POLQ: variants seen among roughly 807,000 people sequenced by gnomAD.
The protein encoded by POLQ is DNA polymerase theta, also known as epididymis secretory sperm binding protein.
A neutral mutation model predicts 259.2 loss-of-function variants in POLQ; 233 were observed. The ratio of observed to expected loss-of-function variants is 0.90; its 90% CI spans 0.81 to 1.00. The LOEUF is 1.00. POLQ is among the 50% of genes least tolerant of loss of function. The pLI is 0.00. For synonymous variants in POLQ, 1,025 were observed against 1,048.8 expected, an observed-to-expected ratio of 0.98 and a Z score of 0.44; for missense variants, 2,871 against 3,051.6, an observed-to-expected ratio of 0.94 and a Z score of 1.39.
chr3:121,468,674 C>T (rs529150837), intron 22 of POLQ, among the ~76,000 whole-genome samples: 8 of 152,110 alleles, frequency 5.3e-5, no homozygotes, highest in Admixed American at 1.3e-4. Flanking sequence ...AGAAAACCAT[C>T]GCACAATGAG....
intron 7 of POLQ, among the ~76,000 whole-genome samples, chr3:121,525,340 CAA>C (rs780235288): frequency 4.5e-5 from 4 of 88,972 alleles, no homozygotes; most frequent in African/African-American, 7.1e-5. Context: ...GACTCCGTCT[CAA>C]AAAAAAAAAA....
At chr3:121,453,734 A>G (rs983754368) in intron 25 of POLQ, among the ~76,000 whole-genome samples, 1 of 152,224 alleles carries the variant, frequency 6.6e-6, no homozygotes, top group African/African-American at 2.4e-5. Context: ...GATTATGTGA[A>G]AAGACCAAAT....
intron 8 of POLQ, among the ~76,000 whole-genome samples, chr3:121,521,380 C>CAT (rs946382674): frequency 4.0e-5 from 6 of 151,896 alleles, no homozygotes; most frequent in Non-Finnish European, 8.8e-5. Flanking sequence ...TACTATATAC[C>CAT]ATATATATAC....
intron 3 of POLQ, 109 bp downstream of exon 3, chr3:121,541,240 T>C (rs1305626282): frequency 1.0e-6 from 1 of 990,528 alleles, no homozygotes; most frequent in Non-Finnish European, 1.5e-6. Flanking sequence ...TAGGGCACAA[T>C]GAAGAAACTT....
chr3:121,459,967 C>G, intron 25 of POLQ, 83 bp downstream of exon 25: 3 of 1,024,696 alleles, frequency 2.9e-6, no homozygotes, highest in Non-Finnish European at 3.0e-6. Flanking sequence ...TGTTTCTCAG[C>G]TGCAAATAAT....
rs1019257221 is a variant in POLQ at position 121,490,163 on chromosome 3, A to T, written c.2768T>A (p.Phe923Tyr). 3 of 1,611,608 alleles carry T rather than the reference A, an allele frequency of 1.9e-6. No homozygotes were observed. The highest frequency in any genetic ancestry group is 1.7e-6 in the Non-Finnish European group (2 of 1,178,406). ...HSESEVKEHTFISQTKSSYKK... is the reference protein window; with the variant it reads ...HSESEVKEHTYISQTKSSYKK... Reference sequence around the variant, plus strand: ...ATAAGAACTCTTAGTTTGGGATATAAATGTGTGTTCCTTTACTTCGGACTC... The same window carrying T: ...ATAAGAACTCTTAGTTTGGGATATATATGTGTGTTCCTTTACTTCGGACTC... The change falls in exon 16 of 30, where the codon TTT (phenylalanine) becomes TAT (tyrosine). Residue 923 changes from phenylalanine (F) to tyrosine (Y), a missense_variant. By Grantham distance (22) the Phe-to-Tyr change is conservative. Transcript: ENST00000264233.
chr3:121,500,752 C>T (rs2048160916), intron 12 of POLQ, among the ~76,000 whole-genome samples: 1 of 152,002 alleles, frequency 6.6e-6, no homozygotes, highest in African/African-American at 2.4e-5. Context: ...CATACAAAGG[C>T]ATCCATACAA....
At chr3:121,486,807 G>A (rs2048015266) in intron 16 of POLQ, among the ~76,000 whole-genome samples, 1 of 151,542 alleles carries the variant, frequency 6.6e-6, no homozygotes, top group African/African-American at 2.4e-5. Flanking sequence ...AGGTTGCAGT[G>A]AGCGAAGATC....
Position 121,472,043 on chromosome 3 carries a change from G to C in POLQ, c.6665C>G (p.Pro2222Arg). The change falls in exon 22 of 30, where the codon CCT becomes CGT. Residue 2222 changes from proline to arginine, a missense_variant. By Grantham distance (103) the Pro-to-Arg change is moderately radical (BLOSUM62 -2). Coordinates refer to ENST00000264233, the MANE Select transcript of POLQ (RefSeq NM_199420.4). ...FPLQREKCLN[P>R]FLGMERIYPV... ...ATAGATTCTTTCCATTCCAAGAAAA[G>C]GATTAAGACACTTTTCCCGCTGAAG... is the stretch of plus-strand genomic sequence containing the variant. 1 of 1,588,076 alleles carries C rather than the reference G, an allele frequency of 6.3e-7. No individual in the cohort carries two copies. Among genetic ancestry groups the C allele is most frequent in the Admixed American group, 1.7e-5 (1 of 59,522 alleles).
chr3:121,512,508 A>C (rs1172754165), intron 9 of POLQ, among the ~76,000 whole-genome samples: 1 of 152,220 alleles, frequency 6.6e-6, no homozygotes, highest in South Asian at 2.1e-4. Flanking sequence ...CTAGAAGCCC[A>C]GATACCTTTT....
rs1252594176 is a variant in POLQ, at chr3:121,485,176, G to A, written c.5638C>T (p.Pro1880Ser). ...IGSRFKQASSPQEIPIRDDGF... is the reference protein window; with the variant it reads ...IGSRFKQASSSQEIPIRDDGF... ...TCATCTCTAATAGGAATTTCCTGAGGTGAGCTAGCTAAGTAAAACAAAAGT... is the reference window on the plus strand; with the variant it reads ...TCATCTCTAATAGGAATTTCCTGAGATGAGCTAGCTAAGTAAAACAAAAGT... The change falls in exon 17 of 30, where the codon CCT becomes TCT. Residue 1880 changes from proline to serine, a missense_variant. Physicochemically the swap from Pro to Ser is moderately conservative, Grantham distance 74. This residue lies in a region of POLQ where 2,080 missense variants were observed against 2,126.0 expected (regional missense o/e 0.98). Transcript: ENST00000264233. 1 of 1,591,758 alleles carries A rather than the reference G, an allele frequency of 6.3e-7. No individual in the cohort carries two copies. Among genetic ancestry groups the A allele is most frequent in the African/African-American group, 1.3e-5 (1 of 74,158 alleles).
Position 121,436,192 on chromosome 3 carries a change from T to C in POLQ, c.7473A>G (p.Gln2491=), listed in dbSNP as rs1560082751. The change falls in exon 28 of 30, where the codon CAA becomes CAG. Residue 2491 remains glutamine, a synonymous_variant. Coordinates refer to ENST00000264233, the MANE Select transcript of POLQ (RefSeq NM_199420.4). ...VKIATVNIQK[Q]LETFHSTFKS... is the part of the protein sequence containing the mutation. ...TGAAGGTTGAGTGGAAGGTCTCTAA[T>C]TGCTTCTGAATGTTAACTGTGGCTA... 1.2e-6 allele frequency: 2 copies of C among 1,613,880 alleles called. No individual in the cohort carries two copies. Among genetic ancestry groups the C allele is most frequent in the Non-Finnish European group, 1.7e-6 (2 of 1,179,764 alleles).
chr3:121,545,619 G>T (rs891115691), intron 1 of POLQ, 96 bp downstream of exon 1: 5 of 1,191,172 alleles, frequency 4.2e-6, no homozygotes, highest in Non-Finnish European at 4.6e-6. Context: ...AATGGGGTAT[G>T]CAACGAAGCA....
intron 25 of POLQ, among the ~76,000 whole-genome samples, chr3:121,450,110 T>C (rs2047662240): frequency 6.6e-6 from 1 of 152,184 alleles, no homozygotes; most frequent in Non-Finnish European, 1.5e-5. Context: ...CTTAACCAAT[T>C]TGTATCTTAA....
At position 121,522,085 on chromosome 3, in the gene POLQ, C is replaced by T; in HGVS notation, c.1173G>A (p.Met391Ile). The T allele has an allele frequency of 1.9e-6, 3 of 1,610,542 alleles. No individual in the cohort carries two copies. The highest frequency in any genetic ancestry group is 2.5e-6 in the Non-Finnish European group (3 of 1,177,860). Residue 391 changes from methionine (M) to isoleucine (I), a missense_variant, in exon 8 of 30, where the codon ATG (methionine) becomes ATA (isoleucine). By Grantham distance (10) the Met-to-Ile change is conservative. Around this residue, in one of 3 missense-constraint regions of POLQ, gnomAD observed 783 missense variants for 906.2 expected, o/e 0.86. Coordinates refer to ENST00000264233, the MANE Select transcript of POLQ (RefSeq NM_199420.4). ...CTGAAGGCAAACGTCTTAACTGATC[C>T]ATCACTTCCAGGAGTTCTTTTTGTT... The part of the protein sequence containing the change: ...ILEQKELLEV[M>I]DQLRRLPSGL...
chr3:121,520,091 AAGG>A lies in POLQ; in HGVS notation c.1256-11_1256-9del, dbSNP rs746862197. 6 of 1,569,012 alleles carry A rather than the reference AAGG, an allele frequency of 3.8e-6. No individual in the cohort carries two copies. The Admixed American group carries it at 6.8e-5, about 18-fold the overall frequency. On this transcript the variant is annotated splice_polypyrimidine_tract_variant and intron_variant, in intron 8 of 29. Transcript: ENST00000264233. ...TCTCCTCAAAAGTAAGACCTAAAAA[AAGG>A]AGGTTTTTATATATTTATTGATATA...
chr3:121,449,353 G>A lies in POLQ; in HGVS notation c.7226C>T (p.Ala2409Val). Reference sequence around the variant, plus strand: ...TTTGAAGGAGTCAATATAGCATGCAGCATCATTTTCTTTAATGCCCATCTG... The same window carrying A: ...TTTGAAGGAGTCAATATAGCATGCAACATCATTTTCTTTAATGCCCATCTG... Reference protein sequence around the residue: ...GEQMGIKENDAACYIDSFKSR... With the variant: ...GEQMGIKENDVACYIDSFKSR... The change falls in exon 26 of 30, where the codon GCT becomes GTT. Residue 2409 changes from alanine (A) to valine (V), a missense_variant. Transcript: ENST00000264233. 1.9e-6 allele frequency: 3 copies of A among 1,596,786 alleles called. No individual in the cohort carries two copies. The highest frequency in any genetic ancestry group is 3.3e-4 in the Middle Eastern group (2 of 6,036).
In POLQ at chr3:121,521,940, T is replaced by C. The variant is rs191950734; in HGVS notation, c.1255+63A>G. Reference sequence around the variant, plus strand: ...AACAAGAAATAAATGTACACAAATATAAAAGTTAAGACAGTATGAGGAATT... The same window carrying C: ...AACAAGAAATAAATGTACACAAATACAAAAGTTAAGACAGTATGAGGAATT... On this transcript the variant is annotated intron_variant, in intron 8 of 29. Coordinates refer to ENST00000264233, the MANE Select transcript of POLQ (RefSeq NM_199420.4). The C allele has an allele frequency of 2.0e-5, 22 of 1,110,710 alleles. No homozygotes were observed. In the East Asian group the frequency reaches 5.8e-4, roughly 29 times the overall value. 68.8% of individuals were successfully genotyped at this position (1,110,710 alleles called of 1,614,324 possible). A position where few individuals can be genotyped will look rare whatever the true frequency, so the allele number is the denominator to read the frequency against.
intron 17 of POLQ, 65 bp from the exon 18 acceptor site, chr3:121,483,647 A>G: frequency 8.1e-7 from 1 of 1,233,788 alleles, no homozygotes. Context: ...ATTCATTTGA[A>G]GCAGCAATCT....
Sources: gnomAD v4.1 joint callset for allele counts (sites outside exome capture counted in the v4.1 genomes callset) on GRCh38, gnomAD v4.1.1 for gene constraint, gnomAD v4.1.1 regional missense constraint, MANE v1.5 for transcripts, NCBI Gene and HGNC (gene_info 2026-07-23, HGNC 2026-07-21) for gene names.